REEP1: variants seen among roughly 807,000 people sequenced by gnomAD.
REEP1 encodes receptor expression-enhancing protein 1.
A neutral mutation model predicts 40.3 loss-of-function variants in REEP1; 22 were observed. That is an observed-to-expected ratio of 0.55 (90% CI 0.39 to 0.78). The LOEUF (loss-of-function observed/expected upper bound fraction) is 0.78, where lower values mean the gene tolerates loss of function less well. Among genes scored for constraint, REEP1 ranks in the 30% least tolerant of loss-of-function variants. REEP1 has a pLI of 0.00. For missense variants in REEP1, 280 were observed against 361.1 expected, an observed-to-expected ratio of 0.78 and a Z score of 1.82; for synonymous variants, 116 against 139.2, an observed-to-expected ratio of 0.83 and a Z score of 1.17.
At chr2:86,319,555 C>T (rs1469037783) in intron 1 of REEP1, among the ~76,000 whole-genome samples, 4 of 152,104 alleles carry the variant, frequency 2.6e-5, no homozygotes, top group Admixed American at 2.6e-4. Flanking sequence ...ATTAGCTGGG[C>T]ATGGTGGTGT....
At chr2:86,273,327 C>T (rs1054964616) in intron 2 of REEP1, among the ~76,000 whole-genome samples, 4 of 149,666 alleles carry the variant, frequency 2.7e-5, no homozygotes, top group African/African-American at 9.9e-5. Flanking sequence ...GCTTGTCATC[C>T]AAGCTGAAGT....
chr2:86,226,458 TTTTTCTTTTC>T lies in REEP1; in HGVS notation c.631+895_631+904del, dbSNP rs1224800691. 4.6e-3 allele frequency among the ~76,000 whole-genome samples: 170 copies of T among 36,614 alleles called. 3 individuals are homozygous for T. Among genetic ancestry groups the T allele is most frequent in the African/African-American group, 7.6e-3 (152 of 19,878 alleles). The allele number at this position is 36,614 out of a possible 152,430, so 24.0% of individuals were successfully genotyped here. ...CAAGGAAGTATGACCCTGTTGTGGC[TTTTTCTTTTC>T]TTTTTTTTTTTTTTTTTTTGAGACA... is the stretch of plus-strand genomic sequence containing the variant. On this transcript the variant is annotated intron_variant, in intron 7 of 8. Coordinates refer to ENST00000538924, the MANE Select transcript of REEP1 (RefSeq NM_001371279.1).
At chr2:86,327,849 G>T (rs1383414162) in intron 1 of REEP1, among the ~76,000 whole-genome samples, 1 of 152,158 alleles carries the variant, frequency 6.6e-6, no homozygotes, top group Non-Finnish European at 1.5e-5. Flanking sequence ...TTACAGGCAT[G>T]AGCCACCGTG....
chr2:86,248,835 A>C (rs1340426161), intron 5 of REEP1, among the ~76,000 whole-genome samples: 1 of 152,214 alleles, frequency 6.6e-6, no homozygotes, highest in Non-Finnish European at 1.5e-5. Context: ...TTTGAACAAT[A>C]AATTATATAG....
chr2:86,299,208 C>A (rs1271083302), intron 1 of REEP1, among the ~76,000 whole-genome samples: 1 of 152,212 alleles, frequency 6.6e-6, no homozygotes, highest in Non-Finnish European at 1.5e-5. Flanking sequence ...ATTCTCTTGG[C>A]CTGCAGTGCT....
chr2:86,214,030 G>C lies in REEP1; in HGVS notation c.*3009C>G, dbSNP rs1446663883. ...AAAATGTTAAGACTTTATTCAAGAT[G>C]TGTATCAGGCATTATAACAAAACAG... On this transcript the variant is annotated 3_prime_UTR_variant, in exon 9 of 9. Transcript: ENST00000538924. 4.3e-6 allele frequency: 1 copy of C among 229,918 alleles called. No homozygotes were observed. Among genetic ancestry groups the C allele is most frequent in the African/African-American group, 2.3e-5 (1 of 43,242 alleles). 14.2% of individuals were successfully genotyped at this position (229,918 alleles called of 1,614,324 possible).
At chr2:86,284,834 T>C (rs924976537) in intron 1 of REEP1, among the ~76,000 whole-genome samples, 2 of 152,214 alleles carry the variant, frequency 1.3e-5, no homozygotes, top group African/African-American at 2.4e-5. Flanking sequence ...TGGACTCTTC[T>C]GGAGTGAGCT....
intron 1 of REEP1, among the ~76,000 whole-genome samples, chr2:86,324,370 G>T (rs958459413): frequency 6.6e-6 from 1 of 152,074 alleles, no homozygotes; most frequent in East Asian, 1.9e-4. Context: ...GAACATGAAT[G>T]GCCAATAAAC....
At chr2:86,230,050 C>G (rs933064195) in intron 6 of REEP1, among the ~76,000 whole-genome samples, 9 of 152,182 alleles carry the variant, frequency 5.9e-5, no homozygotes, top group African/African-American at 2.2e-4. Context: ...GCCAAGGGGG[C>G]CAGCAGTGAG....
chr2:86,321,110 G>A (rs774197195), intron 1 of REEP1, among the ~76,000 whole-genome samples: 4 of 152,140 alleles, frequency 2.6e-5, no homozygotes, highest in African/African-American at 7.2e-5. Flanking sequence ...GTGAGACACC[G>A]CACCCGGCCA....
At chr2:86,288,317 C>T (rs988493093) in intron 1 of REEP1, among the ~76,000 whole-genome samples, 15 of 152,308 alleles carry the variant, frequency 9.8e-5, no homozygotes, top group Non-Finnish European at 1.8e-4. Context: ...CCACAGCACC[C>T]AGCCTAAAAT....
chr2:86,218,845 AT>A (rs1228103871), intron 8 of REEP1, among the ~76,000 whole-genome samples: 1 of 152,238 alleles, frequency 6.6e-6, no homozygotes, highest in African/African-American at 2.4e-5. Context: ...ACAAATAAGA[AT>A]GCTAGGCTGC....
chr2:86,220,493 T>TA (rs1674358558), intron 7 of REEP1, among the ~76,000 whole-genome samples: 1 of 152,140 alleles, frequency 6.6e-6, no homozygotes, highest in Non-Finnish European at 1.5e-5. Flanking sequence ...CCACACCAGG[T>TA]GAATGCTCAG....
intron 1 of REEP1, among the ~76,000 whole-genome samples, chr2:86,287,291 T>C (rs1038791723): frequency 3.3e-5 from 5 of 152,078 alleles, no homozygotes; most frequent in Non-Finnish European, 4.4e-5. Flanking sequence ...TTTCTCCACA[T>C]TGTCGAGGCT....
chr2:86,252,713 C>A (rs1465968175), intron 4 of REEP1, among the ~76,000 whole-genome samples: 1 of 152,098 alleles, frequency 6.6e-6, no homozygotes, highest in African/African-American at 2.4e-5. Flanking sequence ...TCAAATATCA[C>A]CCCATTTGTA....
intron 5 of REEP1, among the ~76,000 whole-genome samples, chr2:86,236,617 C>T (rs1183731228): frequency 6.6e-6 from 1 of 152,126 alleles, no homozygotes; most frequent in Non-Finnish European, 1.5e-5. Context: ...TCAAGACCAG[C>T]CCGGGCAACA....
chr2:86,317,691 T>C (rs1231583802), intron 1 of REEP1, among the ~76,000 whole-genome samples: 5 of 152,192 alleles, frequency 3.3e-5, no homozygotes, highest in Non-Finnish European at 7.3e-5. Context: ...TTTAAGAATG[T>C]CATAGATGAT....
chr2:86,287,991 T>C (rs1678486641), intron 1 of REEP1, among the ~76,000 whole-genome samples: 2 of 152,202 alleles, frequency 1.3e-5, no homozygotes, highest in African/African-American at 4.8e-5. Flanking sequence ...GACACTTGTC[T>C]TTCTAGATCA....
chr2:86,274,943 C>T (rs1488975363), intron 2 of REEP1, among the ~76,000 whole-genome samples: 2 of 152,170 alleles, frequency 1.3e-5, no homozygotes, highest in Admixed American at 6.5e-5. Context: ...GTCCATTCTA[C>T]CCCACTGCCA....
Sources: gnomAD v4.1 joint callset for allele counts (sites outside exome capture counted in the v4.1 genomes callset) on GRCh38, gnomAD v4.1.1 for gene constraint, MANE v1.5 for transcripts, NCBI Gene and HGNC (gene_info 2026-07-23, HGNC 2026-07-21) for gene names.